The following CRACD variants were observed in gnomAD, a reference collection of about 807,000 sequenced individuals.
CRACD encodes capping protein-inhibiting regulator of actin dynamics.
CRACD carries 56 observed loss-of-function variants against 106.8 expected under a neutral mutation model. The ratio of observed to expected loss-of-function variants is 0.52; its 90% CI spans 0.42 to 0.66. The LOEUF is 0.66. Among genes scored for constraint, CRACD ranks in the 30% least tolerant of loss-of-function variants. CRACD has a pLI of 0.00. For missense variants in CRACD, 1,730 were observed against 1,623.2 expected (o/e 1.07, Z -1.13); for synonymous variants, 754 against 670.8 (o/e 1.12, Z -1.92).
intron 1 of CRACD, among the ~76,000 whole-genome samples, chr4:56,172,944 C>G (rs550349357): frequency 1.7e-4 from 26 of 152,046 alleles, no homozygotes; most frequent in Non-Finnish European, 3.2e-4. Context: ...TTAGTAGAGA[C>G]GAGGTTTCTC....
chr4:56,132,262 A>T (rs1238736983), intron 1 of CRACD, among the ~76,000 whole-genome samples: 1 of 152,136 alleles, frequency 6.6e-6, no homozygotes, highest in East Asian at 1.9e-4. Context: ...CTGGTCTCGA[A>T]CTTCTGGGGT....
At chr4:56,306,585 A>G (rs1744723633) in intron 4 of CRACD, among the ~76,000 whole-genome samples, 1 of 152,236 alleles carries the variant, frequency 6.6e-6, no homozygotes, top group Non-Finnish European at 1.5e-5. Flanking sequence ...TGAGGAATAT[A>G]ATGACTATGT....
intron 2 of CRACD, among the ~76,000 whole-genome samples, chr4:56,235,330 C>T (rs1356049807): frequency 6.6e-6 from 1 of 152,132 alleles, no homozygotes; most frequent in Non-Finnish European, 1.5e-5. Context: ...TATTACAGAA[C>T]TTAGAAACTT....
chr4:56,291,184 G>A (rs906419774), intron 3 of CRACD, among the ~76,000 whole-genome samples: 2 of 152,176 alleles, frequency 1.3e-5, no homozygotes, highest in African/African-American at 2.4e-5. Context: ...AGAGAGTGAG[G>A]GAAAGTTGCA....
intron 2 of CRACD, among the ~76,000 whole-genome samples, chr4:56,204,202 T>C (rs1738016402): frequency 6.6e-6 from 1 of 152,238 alleles, no homozygotes; most frequent in African/African-American, 2.4e-5. Context: ...GTTGGTCCAT[T>C]GCCATGGAGT....
In CRACD at chr4:56,316,397, C is replaced by G. The variant is rs1460083885; in HGVS notation, c.2895C>G (p.Pro965=). 6.2e-7 allele frequency: 1 copy of G among 1,614,046 alleles called. No individual in the cohort carries two copies. Among genetic ancestry groups the G allele is most frequent in the East Asian group, 2.2e-5 (1 of 44,882 alleles). The part of the protein sequence containing the change: ...MPLAQKPALA[P]KPTSQTPPAS... Reference sequence around the variant, plus strand: ...TGGCACAAAAGCCAGCACTGGCTCCCAAGCCCACCAGTCAGACCCCACCAG... The same window carrying G: ...TGGCACAAAAGCCAGCACTGGCTCCGAAGCCCACCAGTCAGACCCCACCAG... Residue 965 remains proline (P), a synonymous_variant, in exon 8 of 11, where the codon CCC becomes CCG. Coordinates refer to ENST00000682029, the MANE Select transcript of CRACD (RefSeq NM_001393381.1).
chr4:56,188,651 C>CTAT (rs1449396673), intron 2 of CRACD, among the ~76,000 whole-genome samples: 1 of 141,780 alleles, frequency 7.1e-6, no homozygotes, highest in African/African-American at 2.8e-5. Flanking sequence ...CTCTCTCTAT[C>CTAT]TCTCTATTTC....
chr4:56,075,755 G>T (rs948492070), intron 1 of CRACD, among the ~76,000 whole-genome samples: 1 of 152,074 alleles, frequency 6.6e-6, no homozygotes, highest in African/African-American at 2.4e-5. Context: ...GTGTCCATGG[G>T]TTCCTTTCCC....
At chr4:56,062,657 TC>T (rs1431681914) in intron 1 of CRACD, among the ~76,000 whole-genome samples, 1 of 152,202 alleles carries the variant, frequency 6.6e-6, no homozygotes, top group Non-Finnish European at 1.5e-5. Flanking sequence ...TAACATAAGA[TC>T]TGATCTCTGA....
At chr4:56,110,088 T>G (rs1734068579) in intron 1 of CRACD, among the ~76,000 whole-genome samples, 1 of 152,030 alleles carries the variant, frequency 6.6e-6, no homozygotes, top group South Asian at 2.1e-4. Context: ...GTTAAAGCTT[T>G]CAGAAAAAAA....
chr4:56,162,688 T>G (rs1299136639), intron 1 of CRACD, among the ~76,000 whole-genome samples: 1 of 152,270 alleles, frequency 6.6e-6, no homozygotes. Context: ...AAGCCTGCCT[T>G]GTCCAAGGTT....
intron 6 of CRACD, among the ~76,000 whole-genome samples, chr4:56,312,286 C>T (rs908998527): frequency 4.6e-5 from 7 of 152,074 alleles, no homozygotes; most frequent in African/African-American, 1.4e-4. Context: ...TCAGCTTCCC[C>T]AGCTGGGATT....
chr4:56,090,409 T>C (rs900733995), intron 1 of CRACD, among the ~76,000 whole-genome samples: 2 of 152,070 alleles, frequency 1.3e-5, no homozygotes. Flanking sequence ...GGGCCAGGGA[T>C]TTTTTTGAGA....
At position 56,285,692 on chromosome 4, in the gene CRACD, C is replaced by A. The variant is rs546561577; in HGVS notation, c.-16-12522C>A. Among the ~76,000 whole-genome samples, 12 of 152,258 alleles carry A rather than the reference C, an allele frequency of 7.9e-5. No homozygotes were observed. In the East Asian group the frequency reaches 1.2e-3, roughly 15 times the overall value. On this transcript the variant is annotated intron_variant, in intron 3 of 10. Coordinates refer to ENST00000682029, the MANE Select transcript of CRACD (RefSeq NM_001393381.1). ...GACTCCTGACCTCAAGCCATCCTCCCGCTTTGGTCTCCCAAAGCACTAGGA... is the reference window on the plus strand; with the variant it reads ...GACTCCTGACCTCAAGCCATCCTCCAGCTTTGGTCTCCCAAAGCACTAGGA...
In CRACD at chr4:56,219,028, A is replaced by G. The variant is rs142262271; in HGVS notation, c.-189+39598A>G. Among the ~76,000 whole-genome samples the G allele has an allele frequency of 3.3e-4, 50 of 152,142 alleles. 2 individuals carry two copies. The East Asian group carries it at 9.3e-3, about 28-fold the overall frequency. On this transcript the variant is annotated intron_variant, in intron 2 of 10. Coordinates refer to ENST00000682029, the MANE Select transcript of CRACD (RefSeq NM_001393381.1). ...AATGTGAGATGTTATGAAAGAATCT[A>G]TAATGGGGGACCTCAGAACTTTCTA...
chr4:56,292,792 G>A (rs564336403), intron 3 of CRACD, among the ~76,000 whole-genome samples: 6 of 152,082 alleles, frequency 3.9e-5, no homozygotes, highest in Non-Finnish European at 5.9e-5. Context: ...CCAAAGTGCT[G>A]GGATTACAGG....
At position 56,322,632 on chromosome 4, in the gene CRACD, C is replaced by G. The variant is rs147317457; in HGVS notation, c.3188-745C>G. 3.3e-5 allele frequency among the ~76,000 whole-genome samples: 5 copies of G among 152,296 alleles called. No homozygotes were observed. In the East Asian group the frequency reaches 9.6e-4, roughly 29 times the overall value. On this transcript the variant is annotated intron_variant, in intron 8 of 10. Transcript: ENST00000682029. The stretch of plus-strand genomic sequence containing the variant: ...AGTGTTCTTCAGCTTCCCCATTAGG[C>G]AGAGTAGTGCTCCTTTTTCATCTTT...
intron 2 of CRACD, among the ~76,000 whole-genome samples, chr4:56,199,776 GC>G (rs1737798060): frequency 6.6e-6 from 1 of 150,982 alleles, no homozygotes; most frequent in South Asian, 2.1e-4. Context: ...TCTGCTTTAT[GC>G]CTCACTCCCT....
intron 1 of CRACD, among the ~76,000 whole-genome samples, chr4:56,060,243 C>T (rs1732226017): frequency 6.6e-6 from 1 of 151,866 alleles, no homozygotes; most frequent in Admixed American, 6.6e-5. Context: ...TCCAGCTGTT[C>T]ATGCCAGTTA....
Sources: gnomAD v4.1 joint callset for allele counts (sites outside exome capture counted in the v4.1 genomes callset) on GRCh38, gnomAD v4.1.1 for gene constraint, MANE v1.5 for transcripts, NCBI Gene and HGNC (gene_info 2026-07-23, HGNC 2026-07-21) for gene names.